CCSER1: variants seen among roughly 807,000 people sequenced by gnomAD.
The protein encoded by CCSER1 is coiled-coil serine rich protein 1.
Under a neutral mutation model 82.0 loss-of-function variants are expected in CCSER1, and 41 were observed. That is an observed-to-expected ratio of 0.50 (90% confidence interval 0.39 to 0.65). CCSER1 has a LOEUF of 0.65. Among genes scored for constraint, CCSER1 ranks in the 30% least tolerant of loss-of-function variants. CCSER1 has a pLI of 0.00. For synonymous variants in CCSER1, 414 were observed against 383.9 expected (o/e 1.08, Z -0.92); for missense variants, 1,119 against 1,064.2 (o/e 1.05, Z -0.72).
chr4:90,765,180 T>G (rs1351704641), intron 7 of CCSER1, among the ~76,000 whole-genome samples: 2 of 152,152 alleles, frequency 1.3e-5, no homozygotes, highest in Non-Finnish European at 2.9e-5. Flanking sequence ...GGAGTTTCTA[T>G]TATCAAACTT....
At chr4:91,361,882 T>C (rs1007397018) in intron 10 of CCSER1, among the ~76,000 whole-genome samples, 9 of 151,784 alleles carry the variant, frequency 5.9e-5, no homozygotes, top group East Asian at 1.9e-4. Flanking sequence ...ATTAAATGAA[T>C]GTATACTCTA....
chr4:90,777,126 C>T (rs763414280), intron 7 of CCSER1, among the ~76,000 whole-genome samples: 35 of 152,062 alleles, frequency 2.3e-4, no homozygotes, highest in Non-Finnish European at 4.0e-4. Context: ...GAGGTTGAGG[C>T]GGGTGGATCA....
intron 10 of CCSER1, among the ~76,000 whole-genome samples, chr4:91,292,455 CA>C (rs1354237322): frequency 1.3e-5 from 2 of 151,850 alleles, no homozygotes; most frequent in Admixed American, 6.6e-5. Flanking sequence ...ATTACTCAGA[CA>C]ACCCAAAATA....
At chr4:90,463,707 G>T (rs1046072725) in intron 4 of CCSER1, among the ~76,000 whole-genome samples, 1 of 151,938 alleles carries the variant, frequency 6.6e-6, no homozygotes, top group African/African-American at 2.4e-5. Flanking sequence ...AACTATTTTG[G>T]TGAATTGGAG....
intron 10 of CCSER1, chr4:91,112,703 GT>G (rs1480071116): frequency 1.3e-5 from 2 of 152,082 alleles, no homozygotes; most frequent in Non-Finnish European, 2.9e-5. Context: ...GAATGAGTTT[GT>G]GTCTTCATCA....
chr4:91,238,294 G>T (rs1042381335), intron 10 of CCSER1, among the ~76,000 whole-genome samples: 1 of 152,088 alleles, frequency 6.6e-6, no homozygotes, highest in Non-Finnish European at 1.5e-5. Context: ...CCTGAGAGTG[G>T]CATGTCAGAG....
At chr4:90,155,134 T>A (rs1727810930) in intron 1 of CCSER1, among the ~76,000 whole-genome samples, 2 of 152,250 alleles carry the variant, frequency 1.3e-5, no homozygotes, top group South Asian at 2.1e-4. Context: ...TCTATTGAGA[T>A]AATCATGTGG....
At chr4:91,439,340 G>T (rs1219491713) in intron 10 of CCSER1, among the ~76,000 whole-genome samples, 1 of 152,040 alleles carries the variant, frequency 6.6e-6, no homozygotes, top group Non-Finnish European at 1.5e-5. Context: ...CATTCTTAAA[G>T]AAAAGAATTT....
rs377709880 is a variant in CCSER1 at position 90,141,218 on chromosome 4, C to A, written c.-42+13387C>A. ...TTTCCAGCAAACATCAGTTTTTATT[C>A]TTGATGCCTTCAACTCATTAGATGA... is the stretch of plus-strand genomic sequence containing the variant. On this transcript the variant is annotated intron_variant, in intron 1 of 10. Coordinates refer to ENST00000509176, the MANE Select transcript of CCSER1 (RefSeq NM_001145065.2). 3.5e-4 allele frequency among the ~76,000 whole-genome samples: 53 copies of A among 152,196 alleles called. 1 individual carries two copies. Among genetic ancestry groups the A allele is most frequent in the African/African-American group, 1.2e-3 (50 of 41,516 alleles).
intron 3 of CCSER1, among the ~76,000 whole-genome samples, chr4:90,362,837 G>A (rs1361207467): frequency 1.3e-5 from 2 of 152,118 alleles, no homozygotes; most frequent in Non-Finnish European, 1.5e-5. Flanking sequence ...CTCCTTTGCA[G>A]TTAACAGTAT....
chr4:91,590,405 A>C (rs1228648857), intron 10 of CCSER1, among the ~76,000 whole-genome samples: 3 of 152,150 alleles, frequency 2.0e-5, no homozygotes. Flanking sequence ...TTCTTTACAC[A>C]GTCTCTCTGT....
intron 1 of CCSER1, among the ~76,000 whole-genome samples, chr4:90,165,682 G>T (rs1197373606): frequency 6.6e-6 from 1 of 151,978 alleles, no homozygotes; most frequent in Non-Finnish European, 1.5e-5. Flanking sequence ...GTATACACAT[G>T]TCATACATAC....
At chr4:90,218,477 AAGAG>A (rs893483574) in intron 1 of CCSER1, among the ~76,000 whole-genome samples, 2 of 152,330 alleles carry the variant, frequency 1.3e-5, no homozygotes, top group African/African-American at 4.8e-5. Context: ...AAATTGAAAA[AAGAG>A]AGATTTGTGC....
At chr4:91,499,562 T>C (rs1759097537) in intron 10 of CCSER1, among the ~76,000 whole-genome samples, 1 of 151,950 alleles carries the variant, frequency 6.6e-6, no homozygotes, top group Non-Finnish European at 1.5e-5. Context: ...CGTATGACAA[T>C]TATCCACCAT....
chr4:90,326,867 C>T (rs187493301), intron 3 of CCSER1, among the ~76,000 whole-genome samples: 1 of 152,246 alleles, frequency 6.6e-6, no homozygotes, highest in Admixed American at 6.5e-5. Flanking sequence ...CTCATTTGTA[C>T]AGGAGGAGCC....
intron 10 of CCSER1, among the ~76,000 whole-genome samples, chr4:91,429,491 ATTAT>A (rs1383621604): frequency 7.2e-5 from 11 of 151,974 alleles, no homozygotes; most frequent in Non-Finnish European, 1.6e-4. Context: ...TTACCATTTT[ATTAT>A]TTATTCACCT....
chr4:90,156,157 T>C (rs1158594335), intron 1 of CCSER1, among the ~76,000 whole-genome samples: 3 of 152,222 alleles, frequency 2.0e-5, no homozygotes, highest in Admixed American at 6.5e-5. Context: ...GAGCAGGTTG[T>C]TCAGTTTCCA....
chr4:91,003,789 T>C (rs2150483211), intron 9 of CCSER1, among the ~76,000 whole-genome samples: 1 of 152,302 alleles, frequency 6.6e-6, no homozygotes, highest in East Asian at 1.9e-4. Flanking sequence ...GGAAATTTCC[T>C]TCCTTCTGTG....
At chr4:91,257,651 C>A (rs888463458) in intron 10 of CCSER1, among the ~76,000 whole-genome samples, 19 of 152,020 alleles carry the variant, frequency 1.2e-4, no homozygotes, top group African/African-American at 4.6e-4. Context: ...ATACTAAGGG[C>A]ACATAATGAA....
Sources: gnomAD v4.1 joint callset for allele counts (sites outside exome capture counted in the v4.1 genomes callset) on GRCh38, gnomAD v4.1.1 for gene constraint, MANE v1.5 for transcripts, NCBI Gene and HGNC (gene_info 2026-07-23, HGNC 2026-07-21) for gene names.